B4GALT6: variants seen among roughly 807,000 people sequenced by gnomAD.
The protein encoded by B4GALT6 is beta-1,4-galactosyltransferase 6.
Under a neutral mutation model 46.3 loss-of-function variants are expected in B4GALT6, and 14 were observed. That is an observed-to-expected ratio of 0.30 (90% CI 0.20 to 0.47). B4GALT6 has a LOEUF of 0.47. B4GALT6 is among the 20% of genes least tolerant of loss of function. The pLI, the probability that B4GALT6 is intolerant of heterozygous loss-of-function variation, is 0.99. For missense variants in B4GALT6, 386 were observed against 480.1 expected (o/e 0.80, Z 1.83); for synonymous variants, 168 against 162.0 (o/e 1.04, Z -0.28).
rs2073681028 is a variant in B4GALT6, at chr18:31,625,536, T to C, written c.*78A>G. 6.6e-7 allele frequency: 1 copy of C among 1,522,726 alleles called. No individual in the cohort carries two copies. Among genetic ancestry groups the C allele is most frequent in the Non-Finnish European group, 9.0e-7 (1 of 1,106,868 alleles). 94.3% of individuals were successfully genotyped at this position (1,522,726 alleles called of 1,614,324 possible). A position where few individuals can be genotyped will look rare whatever the true frequency, so the allele number is the denominator to read the frequency against. ...GAAAAGGGCACTGTGACACAGCCAA[T>C]CACTGACCTCCACTAAGAGCGCGCT... On this transcript the variant is annotated 3_prime_UTR_variant, in exon 9 of 9. Coordinates refer to ENST00000306851, the MANE Select transcript of B4GALT6 (RefSeq NM_004775.5).
At chr18:31,672,230 G>A (rs1159190934) in intron 1 of B4GALT6, among the ~76,000 whole-genome samples, 6 of 152,204 alleles carry the variant, frequency 3.9e-5, no homozygotes, top group African/African-American at 1.2e-4. Flanking sequence ...TGCTGCCACA[G>A]TTCCCAGGTC....
chr18:31,701,999 A>T, the B4GALT6 span, among the ~76,000 whole-genome samples: 21 of 152,184 alleles, frequency 1.4e-4, no homozygotes, highest in Non-Finnish European at 2.4e-4. Flanking sequence ...ATAATATTTT[A>T]AAAAGCACTT....
intron 3 of B4GALT6, among the ~76,000 whole-genome samples, chr18:31,652,782 T>C (rs1230648286): frequency 6.6e-6 from 1 of 152,176 alleles, no homozygotes; most frequent in Non-Finnish European, 1.5e-5. Context: ...TTTTTGTGCC[T>C]TCTCCTCTCT....
chr18:31,627,704 T>A (rs1225767956), intron 6 of B4GALT6, among the ~76,000 whole-genome samples: 5 of 152,360 alleles, frequency 3.3e-5, no homozygotes, highest in African/African-American at 1.2e-4. Context: ...CAGAAATAAC[T>A]ATTTTTGTTT....
chr18:31,656,369 A>G (rs983707076), intron 3 of B4GALT6, among the ~76,000 whole-genome samples: 1 of 152,174 alleles, frequency 6.6e-6, no homozygotes, highest in African/African-American at 2.4e-5. Flanking sequence ...ATACAAACCT[A>G]TATGTACAAA....
chr18:31,634,489 G>A (rs1258773685), intron 5 of B4GALT6, among the ~76,000 whole-genome samples: 1 of 152,208 alleles, frequency 6.6e-6, no homozygotes, highest in Admixed American at 6.5e-5. Flanking sequence ...AAGCATGTGG[G>A]TTTGCACATC....
chr18:31,672,978 A>T (rs1224442201), intron 1 of B4GALT6, among the ~76,000 whole-genome samples: 1 of 152,254 alleles, frequency 6.6e-6, no homozygotes, highest in Non-Finnish European at 1.5e-5. Context: ...AAGTGAAAGC[A>T]GCAAGTTTCA....
rs181174458 is a variant in B4GALT6 at position 31,635,452 on chromosome 18, T to C, written c.588+3192A>G. 5.8e-4 allele frequency among the ~76,000 whole-genome samples: 88 copies of C among 152,162 alleles called. 1 individual carries two copies. Among genetic ancestry groups the C allele is most frequent in the African/African-American group, 1.9e-3 (80 of 41,520 alleles). ...CAGTACAGATTGTTACATTAAAAAG[T>C]ACATAAGGCACAAAACTTAAAGAAT... On this transcript the variant is annotated intron_variant, in intron 5 of 8. Coordinates refer to ENST00000306851, the MANE Select transcript of B4GALT6 (RefSeq NM_004775.5).
the B4GALT6 span, among the ~76,000 whole-genome samples, chr18:31,704,957 C>T: frequency 2.0e-5 from 3 of 152,036 alleles, no homozygotes; most frequent in South Asian, 4.2e-4. Context: ...TTCTATCTAC[C>T]TACCAAAAGA....
chr18:31,657,007 A>G lies in B4GALT6; in HGVS notation c.346+969T>C, dbSNP rs58534165. On this transcript the variant is annotated intron_variant, in intron 3 of 8. Transcript: ENST00000306851. ...TATCTTTCAGATTAGCAAGAATTTA[A>G]AAGTCCATCAATATCAAAGTGGTAC... Among the ~76,000 whole-genome samples the G allele has an allele frequency of 5.8e-3, 878 of 152,332 alleles. 10 individuals carry two copies. The highest frequency in any genetic ancestry group is 0.02 in the African/African-American group (841 of 41,578).
At chr18:31,704,540 TA>T in the B4GALT6 span, among the ~76,000 whole-genome samples, 1 of 152,184 alleles carries the variant, frequency 6.6e-6, no homozygotes, top group Admixed American at 6.6e-5. Flanking sequence ...CATCTATTTT[TA>T]CTACAACTTT....
intron 1 of B4GALT6, among the ~76,000 whole-genome samples, chr18:31,683,295 G>A (rs548128965): frequency 2.6e-5 from 4 of 152,190 alleles, no homozygotes; most frequent in Admixed American, 2.6e-4. Context: ...ACTCTGTAAG[G>A]GGCATTACAT....
intron 3 of B4GALT6, among the ~76,000 whole-genome samples, chr18:31,651,816 G>A (rs527362022): frequency 1.3e-5 from 2 of 151,966 alleles, no homozygotes; most frequent in Admixed American, 6.6e-5. Flanking sequence ...TGTTTCCCAG[G>A]CTGAAGTGCA....
chr18:31,687,731 T>G (rs2029975094), upstream of B4GALT6, among the ~76,000 whole-genome samples: 1 of 152,230 alleles, frequency 6.6e-6, no homozygotes, highest in African/African-American at 2.4e-5. Context: ...TTCTGTCCAC[T>G]AGGGACACCG....
chr18:31,667,487 A>C (rs2074295946), intron 1 of B4GALT6, among the ~76,000 whole-genome samples: 1 of 152,254 alleles, frequency 6.6e-6, no homozygotes, highest in Non-Finnish European at 1.5e-5. Context: ...CAGTTTCTCA[A>C]GATGGAATAG....
At chr18:31,639,418 T>C (rs2073902699) in intron 4 of B4GALT6, among the ~76,000 whole-genome samples, 3 of 152,164 alleles carry the variant, frequency 2.0e-5, no homozygotes, top group African/African-American at 2.4e-5. Flanking sequence ...TTCAGAAATA[T>C]AATAGAAACC....
the B4GALT6 span, among the ~76,000 whole-genome samples, chr18:31,707,585 G>A: frequency 6.6e-6 from 1 of 152,116 alleles, no homozygotes; most frequent in Non-Finnish European, 1.5e-5. Context: ...AGCTCAAGGA[G>A]AAGATGAATA....
In B4GALT6 at chr18:31,677,117, T is replaced by C. The variant is rs149568866; in HGVS notation, c.115+7195A>G. The stretch of plus-strand genomic sequence containing the variant: ...TGGTGAAGCCAAAGACTTTCACTAA[T>C]TCAAGTAATTAAACATAAAAACAAA... On this transcript the variant is annotated intron_variant, in intron 1 of 8. Transcript: ENST00000306851. Among the ~76,000 whole-genome samples, 60 of 152,308 alleles carry C rather than the reference T, an allele frequency of 3.9e-4. 1 individual carries two copies. In the East Asian group the frequency reaches 9.4e-3, roughly 24 times the overall value.
rs139142972 is a variant in B4GALT6, at chr18:31,651,139, C to T, written c.347-5660G>A. 7.9e-3 allele frequency among the ~76,000 whole-genome samples: 1,198 copies of T among 152,176 alleles called. 17 individuals are homozygous for T. The highest frequency in any genetic ancestry group is 0.034 in the South Asian group (164 of 4,824). Reference sequence around the variant, plus strand: ...GAAATGCAGCTCTATGACCTTCACCCGATCACAGCACCTACACACTGACAA... The same window carrying T: ...GAAATGCAGCTCTATGACCTTCACCTGATCACAGCACCTACACACTGACAA... On this transcript the variant is annotated intron_variant, in intron 3 of 8. Transcript: ENST00000306851.
Sources: allele counts gnomAD v4.1 joint callset (sites outside exome capture counted in the v4.1 genomes callset), GRCh38; gene constraint gnomAD v4.1.1; transcripts MANE v1.5; gene names NCBI Gene and HGNC (gene_info 2026-07-23, HGNC 2026-07-21).